The following PTPRD variants were observed in gnomAD, a reference collection of about 807,000 sequenced individuals.
PTPRD encodes receptor-type tyrosine-protein phosphatase delta.
In PTPRD, 34 loss-of-function variants were observed where a neutral mutation model predicts 214.5. That is an observed-to-expected ratio of 0.16 (90% CI 0.12 to 0.21). The LOEUF (loss-of-function observed/expected upper bound fraction) is 0.21, where lower values mean the gene tolerates loss of function less well. Ranked by LOEUF, PTPRD falls within the 10% of genes least tolerant of loss-of-function variation. PTPRD has a pLI of 1.00. For synonymous variants in PTPRD, 1,128 were observed against 845.7 expected, an observed-to-expected ratio of 1.33 and a Z score of -5.79; for missense variants, 2,545 against 2,398.7, an observed-to-expected ratio of 1.06 and a Z score of -1.27.
At chr9:10,204,114 G>A (rs971859237) in intron 3 of PTPRD, among the ~76,000 whole-genome samples, 1 of 152,036 alleles carries the variant, frequency 6.6e-6, no homozygotes, top group Non-Finnish European at 1.5e-5. Context: ...TGCTCTCCTG[G>A]TAACCTCTCC....
At chr9:10,446,949 C>A (rs914013089) in intron 2 of PTPRD, among the ~76,000 whole-genome samples, 2 of 152,100 alleles carry the variant, frequency 1.3e-5, no homozygotes, top group East Asian at 1.9e-4. Flanking sequence ...TACAGAACTC[C>A]ATATAAGTGC....
intron 8 of PTPRD, among the ~76,000 whole-genome samples, chr9:9,437,049 C>T (rs1049063002): frequency 6.6e-6 from 1 of 152,276 alleles, no homozygotes; most frequent in South Asian, 2.1e-4. Flanking sequence ...TGGAAAATAT[C>T]GTCTTGCTTT....
chr9:9,550,804 T>C (rs1257002894), intron 8 of PTPRD, among the ~76,000 whole-genome samples: 1 of 151,738 alleles, frequency 6.6e-6, no homozygotes, highest in African/African-American at 2.4e-5. Context: ...GAACAGACAT[T>C]TTACTAAAGA....
At chr9:9,437,366 G>A (rs1010511521) in intron 8 of PTPRD, among the ~76,000 whole-genome samples, 1 of 151,894 alleles carries the variant, frequency 6.6e-6, no homozygotes, top group East Asian at 1.9e-4. Context: ...TATAATTTTT[G>A]ATTGCACTGT....
At chr9:10,064,124 T>G (rs1388396080) in intron 3 of PTPRD, among the ~76,000 whole-genome samples, 1 of 151,664 alleles carries the variant, frequency 6.6e-6, no homozygotes, top group Non-Finnish European at 1.5e-5. Flanking sequence ...TAAAAGACAA[T>G]TTTTTTTCAC....
chr9:8,629,856 G>C (rs189696209), intron 14 of PTPRD, among the ~76,000 whole-genome samples: 1 of 151,714 alleles, frequency 6.6e-6, no homozygotes, highest in South Asian at 2.1e-4. Context: ...ATCTTATTTC[G>C]GGGCACATTC....
intron 5 of PTPRD, among the ~76,000 whole-genome samples, chr9:9,809,866 G>A (rs377199787): frequency 6.6e-6 from 1 of 152,070 alleles, no homozygotes; most frequent in East Asian, 1.9e-4. Context: ...ACATTCAGGA[G>A]GTTGGAAATT....
chr9:9,338,346 A>T (rs1004193659), intron 9 of PTPRD, among the ~76,000 whole-genome samples: 1 of 152,198 alleles, frequency 6.6e-6, no homozygotes, highest in Non-Finnish European at 1.5e-5. Context: ...TTGCAGCAAG[A>T]TGAAAATAGG....
intron 2 of PTPRD, among the ~76,000 whole-genome samples, chr9:10,486,470 T>C (rs546864492): frequency 7.2e-5 from 11 of 152,300 alleles, no homozygotes; most frequent in African/African-American, 2.2e-4. Context: ...TGGGCAGGTT[T>C]GTCAAAGATC....
At chr9:10,486,065 G>C (rs1482609605) in intron 2 of PTPRD, among the ~76,000 whole-genome samples, 1 of 150,880 alleles carries the variant, frequency 6.6e-6, no homozygotes, top group Non-Finnish European at 1.5e-5. Context: ...TCAGTTCCTT[G>C]TAAATTCTGG....
chr9:9,224,132 A>G (rs1051127265), intron 9 of PTPRD, among the ~76,000 whole-genome samples: 1 of 151,986 alleles, frequency 6.6e-6, no homozygotes, highest in African/African-American at 2.4e-5. Context: ...GATTCTTACA[A>G]ATGAGGAAGT....
chr9:9,423,264 A>C (rs1385264692), intron 8 of PTPRD, among the ~76,000 whole-genome samples: 1 of 152,180 alleles, frequency 6.6e-6, no homozygotes, highest in East Asian at 1.9e-4. Flanking sequence ...TTTGGAAGTT[A>C]ATTAGGTTTA....
At chr9:9,874,914 C>A (rs1177019988) in intron 5 of PTPRD, among the ~76,000 whole-genome samples, 1 of 152,026 alleles carries the variant, frequency 6.6e-6, no homozygotes, top group Non-Finnish European at 1.5e-5. Flanking sequence ...AGGATAAAAT[C>A]TTATGATTCC....
At chr9:9,519,897 C>G (rs1298290919) in intron 8 of PTPRD, among the ~76,000 whole-genome samples, 1 of 152,028 alleles carries the variant, frequency 6.6e-6, no homozygotes, top group Admixed American at 6.6e-5. Context: ...AAGCCTTGCT[C>G]CACTGATGAT....
chr9:10,099,515 T>G (rs1400875458), intron 3 of PTPRD, among the ~76,000 whole-genome samples: 10 of 151,728 alleles, frequency 6.6e-5, no homozygotes, highest in Admixed American at 6.6e-4. Flanking sequence ...TATTATTATT[T>G]TCTATTTTGT....
At chr9:10,252,174 T>C (rs899116230) in intron 3 of PTPRD, among the ~76,000 whole-genome samples, 2 of 141,444 alleles carry the variant, frequency 1.4e-5, no homozygotes, top group Non-Finnish European at 3.1e-5. Context: ...AGAGAACCTA[T>C]GTCTTCTTTC....
At chr9:8,650,301 G>A (rs1343778288) in intron 12 of PTPRD, among the ~76,000 whole-genome samples, 1 of 151,974 alleles carries the variant, frequency 6.6e-6, no homozygotes, top group Non-Finnish European at 1.5e-5. Context: ...AGGCTGAGGT[G>A]GGTGGATCAC....
At chr9:10,375,142 A>G (rs936449775) in intron 2 of PTPRD, among the ~76,000 whole-genome samples, 3 of 152,074 alleles carry the variant, frequency 2.0e-5, no homozygotes, top group Non-Finnish European at 4.4e-5. Context: ...TACTTTTTCT[A>G]CATGGCAACA....
intron 8 of PTPRD, among the ~76,000 whole-genome samples, chr9:9,407,937 C>T (rs913788022): frequency 6.6e-6 from 1 of 151,526 alleles, no homozygotes; most frequent in African/African-American, 2.4e-5. Context: ...TTTTTTAAAA[C>T]CCAAATACTT....
Sources: gnomAD v4.1 joint callset for allele counts (sites outside exome capture counted in the v4.1 genomes callset) on GRCh38, gnomAD v4.1.1 for gene constraint, MANE v1.5 for transcripts, NCBI Gene and HGNC (gene_info 2026-07-23, HGNC 2026-07-21) for gene names.